The following ADGRF5 variants were observed in gnomAD, a reference collection of about 807,000 sequenced individuals.
ADGRF5 encodes the protein G-protein coupled receptor 116.
Under a neutral mutation model 132.3 loss-of-function variants are expected in ADGRF5, and 75 were observed. The ratio of observed to expected loss-of-function variants is 0.57; its 90% CI spans 0.47 to 0.69. The LOEUF (loss-of-function observed/expected upper bound fraction) is 0.69, where lower values mean the gene tolerates loss of function less well. Ranked by LOEUF, ADGRF5 falls within the 30% of genes least tolerant of loss-of-function variation. The probability of loss-of-function intolerance (pLI) is 0.00; values close to 1 mark genes in which losing one functional copy is unlikely to be tolerated. For missense variants in ADGRF5, 1,516 were observed against 1,630.6 expected, an observed-to-expected ratio of 0.93 and a Z score of 1.21; for synonymous variants, 629 against 597.6, an observed-to-expected ratio of 1.05 and a Z score of -0.77.
intron 1 of ADGRF5, among the ~76,000 whole-genome samples, chr6:46,940,127 A>G (rs1435437719): frequency 1.3e-5 from 2 of 152,228 alleles, no homozygotes; most frequent in African/African-American, 4.8e-5. Flanking sequence ...ATTGACTTTT[A>G]CTTTTCCTAT....
chr6:46,865,988 G>A (rs1177539995), intron 13 of ADGRF5, among the ~76,000 whole-genome samples: 7 of 59,194 alleles, frequency 1.2e-4, no homozygotes, highest in Non-Finnish European at 2.4e-4. Context: ...CCCTCATGAA[G>A]TTGTCTGTGT....
At chr6:46,857,101 T>C (rs1769144396) in intron 17 of ADGRF5, among the ~76,000 whole-genome samples, 193 bp from the exon 18 acceptor site, 1 of 152,248 alleles carries the variant, frequency 6.6e-6, no homozygotes, top group South Asian at 2.1e-4. Context: ...AATGTTATGA[T>C]GTTAGGAAGA....
intron 20 of ADGRF5, among the ~76,000 whole-genome samples, chr6:46,855,107 T>C (rs1476243797): frequency 1.3e-5 from 2 of 152,226 alleles, no homozygotes; most frequent in Non-Finnish European, 2.9e-5. Flanking sequence ...TTCAATTTGC[T>C]AGAATAGCTG....
intron 15 of ADGRF5, among the ~76,000 whole-genome samples, 159 bp downstream of exon 15, chr6:46,862,729 T>TTTTTTTTTTTTTTTG (rs1769923094): frequency 2.0e-5 from 2 of 101,618 alleles, no homozygotes. Flanking sequence ...TTTTTTTTTT[T>TTTTTTTTTTTTTTTG]GCATTTCTAG....
chr6:46,864,838 A>G (rs188393265), intron 14 of ADGRF5, among the ~76,000 whole-genome samples: 1 of 152,226 alleles, frequency 6.6e-6, no homozygotes, highest in East Asian at 1.9e-4. Context: ...ACATTTTTTT[A>G]TCACATAGAT....
At chr6:46,897,355 G>A (rs1043298714) in intron 3 of ADGRF5, among the ~76,000 whole-genome samples, 1 of 151,886 alleles carries the variant, frequency 6.6e-6, no homozygotes, top group Non-Finnish European at 1.5e-5. Flanking sequence ...TGACCTAATT[G>A]TTTTTCTCCT....
In ADGRF5 at chr6:46,900,034, C is replaced by T. The variant is rs138615507; in HGVS notation, c.152G>A (p.Arg51Gln). Residue 51 changes from arginine (R) to glutamine (Q), a missense_variant, in exon 3 of 21, where the codon CGA becomes CAA. Around this residue, in one of 2 missense-constraint regions of ADGRF5, gnomAD observed 945 missense variants for 929.4 expected, o/e 1.02. Coordinates refer to ENST00000283296, the MANE Select transcript of ADGRF5 (RefSeq NM_001098518.2). ...CCAAGCAAGAGTTTACATACCGGCT[C>T]GTTTTTGCCTCAGTGCCTCTTCACC... Reference protein sequence around the residue: ...PAGEEALRQKRAVATKSPTAE... With the variant: ...PAGEEALRQKQAVATKSPTAE... 8.6e-3 allele frequency: 13,751 copies of T among 1,608,054 alleles called. 75 individuals carry two copies. The highest frequency in any genetic ancestry group is 0.01 in the Non-Finnish European group (12,101 of 1,174,496).
intron 1 of ADGRF5, among the ~76,000 whole-genome samples, chr6:46,951,937 C>G (rs1332020332): frequency 1.3e-5 from 2 of 152,318 alleles, no homozygotes; most frequent in East Asian, 3.9e-4. Context: ...CAGAGAAATA[C>G]AGAGCACCGC....
chr6:46,875,658 T>C (rs1771573267), intron 10 of ADGRF5, among the ~76,000 whole-genome samples: 1 of 152,016 alleles, frequency 6.6e-6, no homozygotes, highest in Non-Finnish European at 1.5e-5. Flanking sequence ...GCACCTATAA[T>C]CCCAGCTACT....
intron 3 of ADGRF5, among the ~76,000 whole-genome samples, chr6:46,896,957 G>T (rs1477989136): frequency 1.3e-5 from 2 of 151,924 alleles, no homozygotes; most frequent in African/African-American, 4.8e-5. Context: ...ATTCAAGGAT[G>T]TACATAGGTT....
At chr6:46,914,601 G>A (rs1345883341) in intron 1 of ADGRF5, among the ~76,000 whole-genome samples, 1 of 152,050 alleles carries the variant, frequency 6.6e-6, no homozygotes, top group Non-Finnish European at 1.5e-5. Flanking sequence ...ACATGTGGGC[G>A]GCGTTGATAA....
intron 1 of ADGRF5, among the ~76,000 whole-genome samples, chr6:46,948,778 A>G (rs1778391873): frequency 6.6e-6 from 1 of 152,148 alleles, no homozygotes. Flanking sequence ...ATCTGTCCAG[A>G]GTTGGCGGGC....
At chr6:46,873,323 C>A (rs1771293766) in intron 10 of ADGRF5, among the ~76,000 whole-genome samples, 1 of 152,148 alleles carries the variant, frequency 6.6e-6, no homozygotes, top group African/African-American at 2.4e-5. Flanking sequence ...ACTCCCGTTT[C>A]TCATCAAGTC....
At chr6:46,871,229 G>A (rs1157892574) in intron 11 of ADGRF5, among the ~76,000 whole-genome samples, 2 of 152,138 alleles carry the variant, frequency 1.3e-5, no homozygotes, top group Non-Finnish European at 2.9e-5. Flanking sequence ...CACGTGGGGT[G>A]AAATTATAAT....
chr6:46,865,188 ACTT>A lies in ADGRF5; in HGVS notation c.1841_1843del (p.Glu614del), dbSNP rs1392428307. The A allele has an allele frequency of 6.2e-7, 1 of 1,608,626 alleles. No individual in the cohort carries two copies. The highest frequency in any genetic ancestry group is 8.5e-7 in the Non-Finnish European group (1 of 1,176,948). ...TTTGTAGCACACTTGTTTTTTGTTA[ACTT>A]CTTTTGCTGAAGACAGAATTATTGA... On this transcript the variant is annotated inframe_deletion, in exon 14 of 21. Transcript: ENST00000283296.
At chr6:46,879,139 A>T (rs1012336938) in intron 9 of ADGRF5, among the ~76,000 whole-genome samples, 9 of 151,946 alleles carry the variant, frequency 5.9e-5, no homozygotes, top group African/African-American at 9.7e-5. Flanking sequence ...GCTATTTTAA[A>T]TTTTTTTAAA....
In ADGRF5 at chr6:46,893,105, C is replaced by T. The variant is rs182212728; in HGVS notation, c.158-4600G>A. On this transcript the variant is annotated intron_variant, in intron 3 of 20. Coordinates refer to ENST00000283296, the MANE Select transcript of ADGRF5 (RefSeq NM_001098518.2). ...TTTTTGTAGAATGGTTACAAAAGAC[C>T]TTTCTCAAGCAGTAAACTTTGAGCA... Among the ~76,000 whole-genome samples the T allele has an allele frequency of 1.6e-3, 173 of 108,382 alleles. 5 individuals carry two copies. In the East Asian group the frequency reaches 0.043, roughly 27 times the overall value. The allele number at this position is 108,382 out of a possible 152,430, so 71.1% of individuals were successfully genotyped here.
upstream of ADGRF5, among the ~76,000 whole-genome samples, chr6:46,924,824 C>T (rs929591106): frequency 3.3e-5 from 5 of 152,228 alleles, no homozygotes; most frequent in Non-Finnish European, 5.9e-5. Flanking sequence ...CTACCTTGCA[C>T]ACTTTACATT....
At chr6:46,873,277 C>T (rs1041830536) in intron 10 of ADGRF5, among the ~76,000 whole-genome samples, 1 of 152,164 alleles carries the variant, frequency 6.6e-6, no homozygotes, top group Non-Finnish European at 1.5e-5. Flanking sequence ...TCTCTTCATA[C>T]CACCATGCTT....
Sources: gnomAD v4.1 joint callset for allele counts (sites outside exome capture counted in the v4.1 genomes callset) on GRCh38, gnomAD v4.1.1 for gene constraint, gnomAD v4.1.1 regional missense constraint, MANE v1.5 for transcripts, NCBI Gene and HGNC (gene_info 2026-07-23, HGNC 2026-07-21) for gene names.